The following ZNF81 variants were observed in gnomAD, a reference collection of about 807,000 sequenced individuals.
ZNF81 encodes zinc finger protein 81.
Under a neutral mutation model 32.3 loss-of-function variants are expected in ZNF81, and 5 were observed. That is an observed-to-expected ratio of 0.15 (90% CI 0.08 to 0.33). ZNF81 has a LOEUF of 0.33. Among genes scored for constraint, ZNF81 ranks in the 10% least tolerant of loss-of-function variants. ZNF81 has a pLI of 1.00. For synonymous variants in ZNF81, 163 were observed against 166.8 expected (o/e 0.98, Z 0.17); for missense variants, 379 against 479.8 (o/e 0.79, Z 1.96).
chrX:47,852,644 A>T (rs924993610), intron 2 of ZNF81, among the ~76,000 whole-genome samples: 5 of 112,493 alleles, frequency 4.4e-5, no homozygotes, highest in Admixed American at 2.8e-4. Flanking sequence ...TCACATCTTC[A>T]GGCTTCACTT....
At chrX:47,870,670 C>T (rs1292348385) in intron 2 of ZNF81, among the ~76,000 whole-genome samples, 3 of 112,471 alleles carry the variant, frequency 2.7e-5, no homozygotes, top group Non-Finnish European at 3.8e-5. Flanking sequence ...ACAAACATCT[C>T]TTACCTTCTG....
intron 2 of ZNF81, among the ~76,000 whole-genome samples, chrX:47,855,169 A>T: frequency 9.5e-6 from 1 of 105,436 alleles, no homozygotes; most frequent in Admixed American, 1.0e-4. Context: ...TAAATAAATT[A>T]ATTAATTAAT....
intron 2 of ZNF81, among the ~76,000 whole-genome samples, chrX:47,876,405 T>C (rs1367619134): frequency 1.8e-5 from 2 of 112,067 alleles, no homozygotes; most frequent in African/African-American, 6.5e-5. Flanking sequence ...CCTTGATGAG[T>C]GCCTGCACAT....
intron 4 of ZNF81, among the ~76,000 whole-genome samples, chrX:47,912,604 G>A (rs1198358711): frequency 1.8e-5 from 2 of 108,354 alleles, no homozygotes; most frequent in African/African-American, 3.4e-5. Flanking sequence ...CCTCTTATAG[G>A]AAACCTCATT....
intron 2 of ZNF81, among the ~76,000 whole-genome samples, chrX:47,877,040 A>T (rs1021056167): frequency 5.3e-5 from 6 of 112,308 alleles, no homozygotes; most frequent in African/African-American, 1.9e-4. Flanking sequence ...GAGCATTCAC[A>T]GCACAAGCAT....
intron 2 of ZNF81, among the ~76,000 whole-genome samples, chrX:47,851,524 A>G (rs2058495629): frequency 8.9e-6 from 1 of 112,207 alleles, no homozygotes; most frequent in Non-Finnish European, 1.9e-5. Context: ...CTGTGTTTAA[A>G]GAGCCATTTA....
chrX:47,841,054 G>T, intron 1 of ZNF81: 1 of 873,088 alleles, frequency 1.1e-6, no homozygotes, highest in South Asian at 2.0e-5. Flanking sequence ...ATTTTTGGTA[G>T]CATGACGGGC....
chrX:47,848,210 C>T (rs1318833721), intron 2 of ZNF81, among the ~76,000 whole-genome samples: 1 of 112,135 alleles, frequency 8.9e-6, no homozygotes, highest in African/African-American at 3.2e-5. Flanking sequence ...CCACCATGCC[C>T]GGCCTAGAAA....
In ZNF81 at chrX:47,915,026, C is replaced by T; in HGVS notation, c.380C>T (p.Ser127Phe). 1.7e-6 allele frequency: 2 copies of T among 1,207,328 alleles called. No individual in the cohort carries two copies. Among genetic ancestry groups the T allele is most frequent in the Non-Finnish European group, 2.2e-6 (2 of 893,652 alleles). The change falls in exon 5 of 5, where the codon TCT (serine) becomes TTT (phenylalanine). Residue 127 changes from serine (S) to phenylalanine (F), a missense_variant. Around this residue, in one of 2 missense-constraint regions of ZNF81, gnomAD observed 277 missense variants for 306.6 expected, o/e 0.90. Coordinates refer to ENST00000338637, the MANE Select transcript of ZNF81 (RefSeq NM_007137.5). ...GEDTRDDSLY[S>F]ILEELWQDAE... is the part of the protein sequence containing the mutation. ...GACACAAGAGATGATTCATTATACT[C>T]TATTTTAGAAGAATTGTGGCAAGAT...
chrX:47,898,251 T>C (rs1350392630), intron 4 of ZNF81, among the ~76,000 whole-genome samples: 1 of 110,816 alleles, frequency 9.0e-6, no homozygotes, highest in Non-Finnish European at 1.9e-5. Context: ...GAGAGCTCAA[T>C]AAAAGAGGCA....
At chrX:47,878,707 C>A (rs782010400) in intron 2 of ZNF81, among the ~76,000 whole-genome samples, 1 of 112,618 alleles carries the variant, frequency 8.9e-6, no homozygotes, top group Admixed American at 9.3e-5. Flanking sequence ...TCAACATATT[C>A]ACTGCTGATT....
chrX:47,888,218 C>G, intron 3 of ZNF81, 93 bp downstream of exon 3: 1 of 1,092,563 alleles, frequency 9.2e-7, no homozygotes, highest in Non-Finnish European at 1.2e-6. Flanking sequence ...ATACCCCAGC[C>G]CCCCAGAATG....
Position 47,919,385 on chromosome X carries a change from T to C in ZNF81, c.*2753T>C, listed in dbSNP as rs1556891562. On this transcript the variant is annotated 3_prime_UTR_variant, in exon 5 of 5. Transcript: ENST00000338637. ...TTGAAGGCATTCTTCAACTCAGTTA[T>C]GTTTTATTTTTATTTGTAATATTTC... 2 of 197,120 alleles carry C rather than the reference T, an allele frequency of 1.0e-5. No homozygotes were observed. Among genetic ancestry groups the C allele is most frequent in the South Asian group, 6.6e-5 (1 of 15,205 alleles). 16.2% of individuals were successfully genotyped at this position (197,120 alleles called of 1,213,427 possible). A position where few individuals can be genotyped will look rare whatever the true frequency, so the allele number is the denominator to read the frequency against.
chrX:47,861,845 C>A (rs1306321906), intron 2 of ZNF81, among the ~76,000 whole-genome samples: 3 of 112,231 alleles, frequency 2.7e-5, no homozygotes, highest in African/African-American at 9.7e-5. Flanking sequence ...TCTATCTTGA[C>A]CCCAAAGGGC....
intron 2 of ZNF81, among the ~76,000 whole-genome samples, chrX:47,868,011 GC>G (rs782277091): frequency 1.8e-5 from 2 of 111,673 alleles, no homozygotes; most frequent in East Asian, 5.6e-4. Flanking sequence ...GATACCCCTG[GC>G]TATTATCGAG....
rs2058783560 is a variant in ZNF81 at position 47,923,670 on chromosome X, C to A, written c.*7038C>A. Among the ~76,000 whole-genome samples the A allele has an allele frequency of 8.9e-6, 1 of 111,803 alleles. No individual in the cohort carries two copies. The highest frequency in any genetic ancestry group is 3.3e-5 in the African/African-American group (1 of 30,710). ...TCTGAATTCAGGTGGTGTTACTTCA[C>A]CATGAAGCAATTTTTCTCATAGAAA... On this transcript the variant is annotated 3_prime_UTR_variant, in exon 5 of 5. Coordinates refer to ENST00000338637, the MANE Select transcript of ZNF81 (RefSeq NM_007137.5).
intron 2 of ZNF81, among the ~76,000 whole-genome samples, chrX:47,885,649 GA>G (rs782162474): frequency 5.4e-5 from 6 of 111,883 alleles, no homozygotes; most frequent in Admixed American, 2.8e-4. Flanking sequence ...CAGAGGGGGT[GA>G]ATTCTGTGTC....
At chrX:47,905,241 C>CA (rs1556888950) in intron 4 of ZNF81, among the ~76,000 whole-genome samples, 1 of 8,894 alleles carries the variant, frequency 1.1e-4, no homozygotes. Context: ...AAAATCAACT[C>CA]CAAAAAAAAA....
chrX:47,847,917 A>AT (rs1556880711), intron 2 of ZNF81, among the ~76,000 whole-genome samples: 5 of 80,081 alleles, frequency 6.2e-5, no homozygotes, highest in South Asian at 6.0e-4. Flanking sequence ...GATTAGAAAT[A>AT]ATTTTTTTTT....
Sources: allele counts gnomAD v4.1 joint callset (sites outside exome capture counted in the v4.1 genomes callset), GRCh38; gene constraint gnomAD v4.1.1; regional missense constraint gnomAD v4.1.1; transcripts MANE v1.5; gene names NCBI Gene and HGNC (gene_info 2026-07-23, HGNC 2026-07-21).